The following ZYG11B variants were observed in gnomAD, a reference collection of about 807,000 sequenced individuals.
ZYG11B encodes zyg-11 family member B, cell cycle regulator, also known as protein zyg-11 homolog B.
Under a neutral mutation model 82.4 loss-of-function variants are expected in ZYG11B, and 36 were observed. The observed-to-expected ratio is 0.44, with a 90% CI of 0.33 to 0.58. The LOEUF (loss-of-function observed/expected upper bound fraction) is 0.58, where lower values mean the gene tolerates loss of function less well. Ranked by LOEUF, ZYG11B falls within the 20% of genes least tolerant of loss-of-function variation. The pLI, the probability that ZYG11B is intolerant of heterozygous loss-of-function variation, is 0.02. For missense variants in ZYG11B, 552 were observed against 895.6 expected (o/e 0.62, Z 4.90); for synonymous variants, 303 against 312.8 (o/e 0.97, Z 0.33).
Position 52,826,085 on chromosome 1 carries a change from G to A in ZYG11B, c.*4456G>A, listed in dbSNP as rs762672212. On this transcript the variant is annotated 3_prime_UTR_variant, in exon 14 of 14. Coordinates refer to ENST00000294353, the MANE Select transcript of ZYG11B (RefSeq NM_024646.3). ...TCTAATGGTATGTTTACATTATTTC[G>A]TTATTATACAATGTAGTGGTATAAA... 5.3e-5 allele frequency: 8 copies of A among 152,082 alleles called. No individual in the cohort carries two copies. Among genetic ancestry groups the A allele is most frequent in the Non-Finnish European group, 1.0e-4 (7 of 68,010 alleles). The allele number at this position is 152,082 out of a possible 1,614,324, so 9.4% of individuals were successfully genotyped here.
intron 6 of ZYG11B, among the ~76,000 whole-genome samples, chr1:52,791,172 C>T (rs1249688942): frequency 6.6e-6 from 1 of 151,724 alleles, no homozygotes; most frequent in Non-Finnish European, 1.5e-5. Context: ...AGGGTTTCAC[C>T]ACGTTGGCCA....
At chr1:52,821,303 G>A in intron 13 of ZYG11B, 136 bp from the exon 14 acceptor site, 5 of 765,206 alleles carry the variant, frequency 6.5e-6, no homozygotes, top group South Asian at 6.2e-5. Flanking sequence ...TTATCAAGCT[G>A]TAGCATGTTA....
At chr1:52,819,817 G>A (rs113919979) in intron 13 of ZYG11B, among the ~76,000 whole-genome samples, 15,816 of 149,232 alleles carry the variant, frequency 0.11, 1,888 homozygotes, top group East Asian at 0.34. Context: ...TAATAATAGT[G>A]CATTTTCATA....
rs758165095 is a variant in ZYG11B, at chr1:52,821,504, C to T, written c.2110C>T (p.His704Tyr). Residue 704 changes from histidine to tyrosine, a missense_variant, in exon 14 of 14, where the codon CAT becomes TAT. Around this residue, in one of 3 missense-constraint regions of ZYG11B, gnomAD observed 127 missense variants for 163.4 expected, o/e 0.78. Coordinates refer to ENST00000294353, the MANE Select transcript of ZYG11B (RefSeq NM_024646.3). ...GLQHLYNIKDHEHTDPHVQQI... is the reference protein window; with the variant it reads ...GLQHLYNIKDYEHTDPHVQQI... ...GCAGCATTTATACAACATCAAAGAT[C>T]ATGAACATACTGATCCCCATGTCCA... 3.5e-5 allele frequency: 57 copies of T among 1,613,800 alleles called. No homozygotes were observed. Among genetic ancestry groups the T allele is most frequent in the Non-Finnish European group, 4.7e-5 (55 of 1,179,948 alleles).
At chr1:52,796,008 A>G in intron 6 of ZYG11B, among the ~76,000 whole-genome samples, 1 of 152,212 alleles carries the variant, frequency 6.6e-6, no homozygotes, top group East Asian at 1.9e-4. Context: ...AATCACTATA[A>G]TTTAGAAATA....
chr1:52,741,131 C>A (rs556472416), intron 1 of ZYG11B, among the ~76,000 whole-genome samples: 1 of 151,422 alleles, frequency 6.6e-6, no homozygotes, highest in Non-Finnish European at 1.5e-5. Context: ...AACCCCATCT[C>A]TACTAAAAAT....
intron 2 of ZYG11B, among the ~76,000 whole-genome samples, chr1:52,768,474 C>A (rs899398025): frequency 2.0e-5 from 3 of 152,082 alleles, no homozygotes; most frequent in African/African-American, 7.2e-5. Flanking sequence ...CTAGCTATTT[C>A]TTATGTTCAA....
chr1:52,766,925 G>A (rs1644694660), intron 2 of ZYG11B, among the ~76,000 whole-genome samples: 1 of 151,726 alleles, frequency 6.6e-6, no homozygotes, highest in African/African-American at 2.4e-5. Context: ...GGAGAATGGT[G>A]TGAACCCGGG....
chr1:52,821,104 G>A (rs1473349998), intron 13 of ZYG11B, among the ~76,000 whole-genome samples: 2 of 147,946 alleles, frequency 1.4e-5, no homozygotes, highest in Non-Finnish European at 3.0e-5. Flanking sequence ...AAAAAAAAAA[G>A]CATAGGAAAT....
intron 3 of ZYG11B, among the ~76,000 whole-genome samples, chr1:52,778,312 A>ACAGG (rs1419097219): frequency 6.6e-6 from 1 of 152,068 alleles, no homozygotes; most frequent in East Asian, 1.9e-4. Context: ...TTTTGTAGAG[A>ACAGG]CAGGGTCTTG....
chr1:52,796,891 A>AATATATATT (rs1645011431), intron 8 of ZYG11B, 107 bp downstream of exon 8: 1 of 111,254 alleles, frequency 9.0e-6, no homozygotes, highest in African/African-American at 5.5e-5. Flanking sequence ...AATTATATAT[A>AATATATATT]ATATATAATT....
At chr1:52,734,869 C>T (rs997010794) in intron 1 of ZYG11B, among the ~76,000 whole-genome samples, 51 of 152,112 alleles carry the variant, frequency 3.4e-4, no homozygotes, top group African/African-American at 1.0e-3. Context: ...GCTGGGATTA[C>T]AGGCATGTGC....
Position 52,797,049 on chromosome 1 carries a change from ATATAT to A in ZYG11B, c.1485+271_1485+275del, listed in dbSNP as rs1476716861. 9.2e-5 allele frequency among the ~76,000 whole-genome samples: 8 copies of A among 87,410 alleles called. No homozygotes were observed. The East Asian group carries it at 1.9e-3, about 21-fold the overall frequency. The allele number at this position is 87,410 out of a possible 152,430, so 57.3% of individuals were successfully genotyped here. A position where few individuals can be genotyped will look rare whatever the true frequency, so the allele number is the denominator to read the frequency against. The stretch of plus-strand genomic sequence containing the variant: ...TATAAATTTATATATATAAATTTTT[ATATAT>A]TATATATATTTATATATTATATATT... On this transcript the variant is annotated intron_variant, in intron 8 of 13. Coordinates refer to ENST00000294353, the MANE Select transcript of ZYG11B (RefSeq NM_024646.3).
chr1:52,809,550 C>T (rs1159827954), intron 10 of ZYG11B, among the ~76,000 whole-genome samples: 3 of 152,152 alleles, frequency 2.0e-5, no homozygotes, highest in Non-Finnish European at 2.9e-5. Flanking sequence ...AATAGAATTA[C>T]TGTATCATGA....
intron 1 of ZYG11B, among the ~76,000 whole-genome samples, chr1:52,735,042 T>C (rs1644366938): frequency 6.6e-6 from 1 of 151,780 alleles, no homozygotes; most frequent in Non-Finnish European, 1.5e-5. Flanking sequence ...ATCACTTTTT[T>C]TTTTTTTGAG....
intron 6 of ZYG11B, among the ~76,000 whole-genome samples, chr1:52,795,077 A>G (rs1247812620): frequency 6.6e-6 from 1 of 152,092 alleles, no homozygotes; most frequent in Non-Finnish European, 1.5e-5. Context: ...TGGCCCTGTG[A>G]CGCCACCCAA....
intron 2 of ZYG11B, among the ~76,000 whole-genome samples, chr1:52,766,693 AT>A (rs1644692139): frequency 6.6e-6 from 1 of 152,058 alleles, no homozygotes; most frequent in African/African-American, 2.4e-5. Context: ...TTACTGCCAG[AT>A]TGGGGTTAAT....
intron 1 of ZYG11B, 40 bp from the exon 2 acceptor site, chr1:52,756,417 TG>T (rs765819283): frequency 2.7e-5 from 42 of 1,580,608 alleles, no homozygotes; most frequent in Non-Finnish European, 3.5e-5. Flanking sequence ...ACTAACTAGT[TG>T]GTTTTTGTGT....
chr1:52,798,228 C>CCT (rs1645045036), intron 8 of ZYG11B, among the ~76,000 whole-genome samples: 1 of 152,098 alleles, frequency 6.6e-6, no homozygotes, highest in Non-Finnish European at 1.5e-5. Flanking sequence ...AAAGCCCTGA[C>CCT]CTAGGAGTCA....
Sources: gnomAD v4.1 joint callset for allele counts (sites outside exome capture counted in the v4.1 genomes callset) on GRCh38, gnomAD v4.1.1 for gene constraint, gnomAD v4.1.1 regional missense constraint, MANE v1.5 for transcripts, NCBI Gene and HGNC (gene_info 2026-07-23, HGNC 2026-07-21) for gene names.